The following REEP5 variants were observed in gnomAD, a reference collection of about 807,000 sequenced individuals.
REEP5 encodes receptor expression-enhancing protein 5.
A neutral mutation model predicts 22.4 loss-of-function variants in REEP5; 24 were observed. The observed-to-expected ratio is 1.07, with a 90% CI of 0.78 to 1.51. The LOEUF is 1.51. Ranked by LOEUF, REEP5 falls within the 40% of genes most tolerant of loss-of-function variation. The probability of loss-of-function intolerance (pLI) is 0.00; values close to 1 mark genes in which losing one functional copy is unlikely to be tolerated. For missense variants in REEP5, 252 were observed against 233.0 expected (o/e 1.08, Z -0.53); for synonymous variants, 103 against 88.6 (o/e 1.16, Z -0.92).
intron 3 of REEP5, chr5:112,894,451 G>A (rs1479918532): frequency 6.6e-6 from 1 of 152,106 alleles, no homozygotes; most frequent in African/African-American, 2.4e-5. Context: ...TTCATACAAT[G>A]TTTTACTGTA....
At chr5:112,886,168 C>A (rs895409026) in intron 4 of REEP5, among the ~76,000 whole-genome samples, 3 of 152,212 alleles carry the variant, frequency 2.0e-5, no homozygotes, top group Admixed American at 6.5e-5. Context: ...AGCAGAGAAG[C>A]CTGCCTGCGC....
At chr5:112,879,092 T>C (rs759603775) in intron 4 of REEP5, among the ~76,000 whole-genome samples, 1 of 152,124 alleles carries the variant, frequency 6.6e-6, no homozygotes, top group African/African-American at 2.4e-5. Flanking sequence ...GTTGTGACAG[T>C]GTCACCGAAA....
In REEP5 at chr5:112,887,084, G is replaced by C. The variant is rs1392217210; in HGVS notation, c.451C>G (p.Gln151Glu). 1.2e-6 allele frequency: 2 copies of C among 1,613,738 alleles called. No homozygotes were observed. Among genetic ancestry groups the C allele is most frequent in the South Asian group, 2.2e-5 (2 of 91,060 alleles). The change falls in exon 4 of 5, where the codon CAG becomes GAG. Residue 151 changes from glutamine to glutamate, a missense_variant. By Grantham distance (29) the Gln-to-Glu change is conservative. Coordinates refer to ENST00000379638, the MANE Select transcript of REEP5 (RefSeq NM_005669.5). ...IRPFFLKHES[Q>E]MDSVVKDLKD... is the part of the protein sequence containing the mutation. ...AGGTCCTTGACCACACTGTCCATCT[G>C]GGACTCGTGCTTCAGGAAGAAAGGA...
chr5:112,920,681 G>C (rs1472382902), intron 2 of REEP5, among the ~76,000 whole-genome samples: 3 of 151,988 alleles, frequency 2.0e-5, no homozygotes, highest in African/African-American at 7.3e-5. Context: ...TGTAACATGT[G>C]GCTTTTTCAA....
In REEP5 at chr5:112,908,864, A is replaced by AT. The variant is rs397974052; in HGVS notation, c.213-6347dup. On this transcript the variant is annotated intron_variant, in intron 2 of 4. Transcript: ENST00000379638. ...GCCACCATGCCCAGCCCAGCTAATG[A>AT]TTTTTTTTTTTTTTTTACAAATTTC... 1.9e-3 allele frequency among the ~76,000 whole-genome samples: 271 copies of AT among 142,260 alleles called. 5 individuals carry two copies. Among genetic ancestry groups the AT allele is most frequent in the East Asian group, 6.4e-3 (31 of 4,858 alleles). The allele number at this position is 142,260 out of a possible 152,430, so 93.3% of individuals were successfully genotyped here. A position where few individuals can be genotyped will look rare whatever the true frequency, so the allele number is the denominator to read the frequency against.
chr5:112,901,008 G>A (rs918012713), intron 3 of REEP5, among the ~76,000 whole-genome samples: 4 of 151,634 alleles, frequency 2.6e-5, no homozygotes, highest in Admixed American at 1.3e-4. Flanking sequence ...AGCTAATTTC[G>A]TTTGTATTTT....
At chr5:112,892,286 T>G (rs756517401) in intron 3 of REEP5, 24 of 1,614,088 alleles carry the variant, frequency 1.5e-5, no homozygotes, top group Non-Finnish European at 2.0e-5. Context: ...ACGTTTGGAA[T>G]GGAGCAGTGC....
intron 2 of REEP5, among the ~76,000 whole-genome samples, chr5:112,903,047 T>C (rs531414139): frequency 6.6e-6 from 1 of 152,330 alleles, no homozygotes; most frequent in South Asian, 2.1e-4. Context: ...TGGTGTCTAT[T>C]TAGTTCAGAA....
chr5:112,891,643 G>C lies in REEP5; in HGVS notation c.352-4460C>G, dbSNP rs762058992. Reference sequence around the variant, plus strand: ...GGGGTCAGGCGGTGCTGGCAAGATGGCTGCACTTGAGAAGATGACGTTTCC... The same window carrying C: ...GGGGTCAGGCGGTGCTGGCAAGATGCCTGCACTTGAGAAGATGACGTTTCC... On this transcript the variant is annotated intron_variant, in intron 3 of 4. Transcript: ENST00000379638. 4 of 1,604,740 alleles carry C rather than the reference G, an allele frequency of 2.5e-6. No individual in the cohort carries two copies. The Admixed American group carries it at 6.9e-5, about 28-fold the overall frequency.
chr5:112,892,707 T>G, intron 3 of REEP5: 1 of 1,613,890 alleles, frequency 6.2e-7, no homozygotes, highest in Non-Finnish European at 8.5e-7. Flanking sequence ...TGTCTTCAGA[T>G]CAGACTGGCT....
chr5:112,902,472 G>C lies in REEP5; in HGVS notation c.259C>G (p.Leu87Val). 6.2e-6 allele frequency: 10 copies of C among 1,610,830 alleles called. No individual in the cohort carries two copies. The highest frequency in any genetic ancestry group is 8.5e-6 in the Non-Finnish European group (10 of 1,178,330). ...SPNKEDDTQW[L>V]TYWVVYGVFS... ...ACACCATACACTACCCAGTAGGTCAGCCACTGGGTATCATCTTCTTTGTTG... is the reference window on the plus strand; with the variant it reads ...ACACCATACACTACCCAGTAGGTCACCCACTGGGTATCATCTTCTTTGTTG... The change falls in exon 3 of 5, where the codon CTG becomes GTG. Residue 87 changes from leucine to valine, a missense_variant. Transcript: ENST00000379638.
At chr5:112,892,801 C>T (rs1253814440) in intron 3 of REEP5, 4 of 1,613,640 alleles carry the variant, frequency 2.5e-6, no homozygotes, top group Non-Finnish European at 3.4e-6. Context: ...AAGGAGAAAC[C>T]CTAGTCCAGA....
intron 1 of REEP5, chr5:112,921,473 C>G (rs1043751180): frequency 1.7e-5 from 10 of 581,976 alleles, no homozygotes; most frequent in East Asian, 2.9e-5. Flanking sequence ...CATTGTGCCT[C>G]TCCTACCTCC....
intron 3 of REEP5, chr5:112,892,848 A>G: frequency 6.2e-7 from 1 of 1,613,672 alleles, no homozygotes; most frequent in Non-Finnish European, 8.5e-7. Flanking sequence ...CCGAGAGAAA[A>G]AAGAGTAGTC....
chr5:112,900,744 G>A (rs1208077251), intron 3 of REEP5, among the ~76,000 whole-genome samples: 1 of 152,106 alleles, frequency 6.6e-6, no homozygotes, highest in Non-Finnish European at 1.5e-5. Flanking sequence ...GCATGGACTG[G>A]GGCCCCCTCC....
At chr5:112,893,054 C>A (rs756540897) in intron 3 of REEP5, 5 of 1,261,404 alleles carry the variant, frequency 4.0e-6, no homozygotes, top group South Asian at 1.2e-5. Flanking sequence ...AGAGACAGAA[C>A]TGTTCAGAGT....
rs1173972595 is a variant in REEP5 at position 112,902,613 on chromosome 5, AG to A, written c.213-96del. 4.2e-6 allele frequency: 5 copies of A among 1,191,418 alleles called. No homozygotes were observed. The African/African-American group carries it at 6.2e-5, about 15-fold the overall frequency. The allele number at this position is 1,191,418 out of a possible 1,614,324, so 73.8% of individuals were successfully genotyped here. Reference sequence around the variant, plus strand: ...CATAACCTGTCCTCTGATACCACTGAGAAACTTAGGCACATGTAGGCACTGT... The same window carrying A: ...CATAACCTGTCCTCTGATACCACTGAAAACTTAGGCACATGTAGGCACTGT... On this transcript the variant is annotated intron_variant, in intron 2 of 4. Transcript: ENST00000379638.
At chr5:112,890,213 T>A (rs1046731456) in intron 3 of REEP5, among the ~76,000 whole-genome samples, 1 of 150,318 alleles carries the variant, frequency 6.7e-6, no homozygotes, top group Non-Finnish European at 1.5e-5. Flanking sequence ...TGGCTTGACC[T>A]TGGGAGGTCG....
At chr5:112,905,049 A>G (rs1017072828) in intron 2 of REEP5, among the ~76,000 whole-genome samples, 1 of 152,208 alleles carries the variant, frequency 6.6e-6, no homozygotes, top group African/African-American at 2.4e-5. Context: ...AGATCTTCTC[A>G]TATTATTGAA....
Sources: allele counts gnomAD v4.1 joint callset (sites outside exome capture counted in the v4.1 genomes callset), GRCh38; gene constraint gnomAD v4.1.1; transcripts MANE v1.5; gene names NCBI Gene and HGNC (gene_info 2026-07-23, HGNC 2026-07-21).